CRB1: variants seen among roughly 807,000 people sequenced by gnomAD.
CRB1 encodes the protein crumbs cell polarity complex component 1.
CRB1 carries 83 observed loss-of-function variants against 120.0 expected under a neutral mutation model. That is an observed-to-expected ratio of 0.69 (90% CI 0.58 to 0.83). The LOEUF is 0.83. Ranked by LOEUF, CRB1 falls within the 40% of genes least tolerant of loss-of-function variation. The pLI is 0.00. For missense variants in CRB1, 1,699 were observed against 1,687.6 expected (o/e 1.01, Z -0.12); for synonymous variants, 625 against 612.5 (o/e 1.02, Z -0.30).
At chr1:197,258,580 C>G in the CRB1 span, among the ~76,000 whole-genome samples, 149 of 152,306 alleles carry the variant, frequency 9.8e-4, no homozygotes, top group African/African-American at 3.5e-3. Flanking sequence ...GTTCATCACT[C>G]TCTTTCCTGA....
intron 5 of CRB1, among the ~76,000 whole-genome samples, chr1:197,388,708 C>A (rs1345652410): frequency 1.3e-5 from 2 of 152,010 alleles, no homozygotes; most frequent in Admixed American, 1.3e-4. Flanking sequence ...ACAAACATAA[C>A]CATGAAATTC....
intron 4 of CRB1, among the ~76,000 whole-genome samples, chr1:197,353,953 A>G (rs976977320): frequency 6.6e-6 from 1 of 151,188 alleles, no homozygotes; most frequent in Non-Finnish European, 1.5e-5. Flanking sequence ...TACATAGTAT[A>G]TAAATACTCT....
the CRB1 span, among the ~76,000 whole-genome samples, chr1:197,252,582 A>ATATATATATGTGTGTGTGTGTG: frequency 3.9e-4 from 6 of 15,504 alleles, no homozygotes; most frequent in South Asian, 3.0e-3. Context: ...ATATATATAT[A>ATATATATATGTGTGTGTGTGTG]TGTGTGTGTG....
chr1:197,453,884 TTATTA>T (rs1367913159), intron 11 of CRB1, among the ~76,000 whole-genome samples: 13 of 140,032 alleles, frequency 9.3e-5, no homozygotes, highest in African/African-American at 3.2e-4. Flanking sequence ...ATAATATATA[TTATTA>T]ATATTATTAT....
chr1:197,239,888 A>G, the CRB1 span, among the ~76,000 whole-genome samples: 1 of 148,670 alleles, frequency 6.7e-6, no homozygotes, highest in Non-Finnish European at 1.5e-5. Context: ...ATATAAAAAT[A>G]AATAATTATA....
At chr1:197,229,888 G>C in the CRB1 span, among the ~76,000 whole-genome samples, 1 of 152,266 alleles carries the variant, frequency 6.6e-6, no homozygotes, top group East Asian at 1.9e-4. Flanking sequence ...CTTCGCTCTT[G>C]ATTAGAAGAT....
the CRB1 span, among the ~76,000 whole-genome samples, chr1:197,239,905 A>C: frequency 1.3e-5 from 2 of 149,338 alleles, no homozygotes; most frequent in African/African-American, 4.9e-5. Context: ...TATAATTTAT[A>C]ATTATTATAT....
chr1:197,213,438 C>G, the CRB1 span, among the ~76,000 whole-genome samples: 1 of 152,092 alleles, frequency 6.6e-6, no homozygotes, highest in Non-Finnish European at 1.5e-5. Context: ...ACGAGCAGAG[C>G]AGATCCTTAG....
At chr1:197,453,816 T>C (rs898702601) in intron 11 of CRB1, among the ~76,000 whole-genome samples, 9 of 142,698 alleles carry the variant, frequency 6.3e-5, no homozygotes, top group African/African-American at 2.3e-4. Flanking sequence ...AATATATTGT[T>C]AATTATTAAT....
intron 5 of CRB1, among the ~76,000 whole-genome samples, chr1:197,379,900 A>C (rs1393197779): frequency 6.6e-6 from 1 of 152,222 alleles, no homozygotes; most frequent in African/African-American, 2.4e-5. Context: ...AATTAGTATA[A>C]CAAAATTTTT....
chr1:197,261,594 C>T, the CRB1 span, among the ~76,000 whole-genome samples: 66 of 152,260 alleles, frequency 4.3e-4, no homozygotes, highest in Middle Eastern at 0.017. Context: ...ATTTATCAAA[C>T]TGTAGCATAG....
At chr1:197,259,043 G>A in the CRB1 span, among the ~76,000 whole-genome samples, 2 of 152,204 alleles carry the variant, frequency 1.3e-5, no homozygotes, top group Admixed American at 6.5e-5. Flanking sequence ...TGCTGGCGAG[G>A]TTGTGGAGAA....
the CRB1 span, among the ~76,000 whole-genome samples, chr1:197,206,369 A>G: frequency 3.3e-5 from 5 of 152,152 alleles, no homozygotes; most frequent in African/African-American, 1.2e-4. Context: ...GCTCTTTCAG[A>G]CTTTTTGATG....
At chr1:197,387,493 G>C (rs999922029) in intron 5 of CRB1, among the ~76,000 whole-genome samples, 1 of 151,824 alleles carries the variant, frequency 6.6e-6, no homozygotes, top group South Asian at 2.1e-4. Flanking sequence ...TCCCTGTGCC[G>C]CTCCATAGAA....
intron 4 of CRB1, among the ~76,000 whole-genome samples, chr1:197,353,672 A>G (rs1420365559): frequency 6.6e-6 from 1 of 152,042 alleles, no homozygotes; most frequent in Admixed American, 6.5e-5. Context: ...ATGGTGGCAC[A>G]CGCCTGTAAT....
At chr1:197,392,745 C>T (rs1207494012) in intron 5 of CRB1, among the ~76,000 whole-genome samples, 1 of 152,060 alleles carries the variant, frequency 6.6e-6, no homozygotes, top group Non-Finnish European at 1.5e-5. Flanking sequence ...ACTAAAAATA[C>T]TATGAATCAA....
chr1:197,256,730 A>G, the CRB1 span, among the ~76,000 whole-genome samples: 1 of 152,040 alleles, frequency 6.6e-6, no homozygotes, highest in South Asian at 2.1e-4. Flanking sequence ...AGAATATAGT[A>G]TAAGCATGGC....
intron 3 of CRB1, among the ~76,000 whole-genome samples, chr1:197,346,879 A>T (rs374810840): frequency 6.6e-6 from 1 of 152,226 alleles, no homozygotes; most frequent in Non-Finnish European, 1.5e-5. Flanking sequence ...TTCACTTTTC[A>T]TATGGAACCT....
At chr1:197,243,631 G>A in the CRB1 span, among the ~76,000 whole-genome samples, 1 of 152,090 alleles carries the variant, frequency 6.6e-6, no homozygotes, top group African/African-American at 2.4e-5. Context: ...ATATGGTGGT[G>A]GGAAAAATGT....
Sources: gnomAD v4.1 joint callset for allele counts (sites outside exome capture counted in the v4.1 genomes callset) on GRCh38, gnomAD v4.1.1 for gene constraint, MANE v1.5 for transcripts, NCBI Gene and HGNC (gene_info 2026-07-23, HGNC 2026-07-21) for gene names.